DCC: variants seen among roughly 807,000 people sequenced by gnomAD.
DCC encodes DCC netrin 1 receptor, also known as netrin receptor DCC.
A neutral mutation model predicts 172.5 loss-of-function variants in DCC; 58 were observed. The ratio of observed to expected loss-of-function variants is 0.34; its 90% confidence interval spans 0.27 to 0.42. The LOEUF (loss-of-function observed/expected upper bound fraction) is 0.42. Ranked by LOEUF, DCC falls within the 10% of genes least tolerant of loss-of-function variation. The probability of loss-of-function intolerance (pLI) is 1.00; values close to 1 mark genes in which losing one functional copy is unlikely to be tolerated. For synonymous variants in DCC, 709 were observed against 644.5 expected, an observed-to-expected ratio of 1.10 and a Z score of -1.52; for missense variants, 1,740 against 1,791.0, an observed-to-expected ratio of 0.97 and a Z score of 0.51.
intron 1 of DCC, among the ~76,000 whole-genome samples, chr18:52,467,843 C>T (rs949383029): frequency 6.6e-6 from 1 of 152,118 alleles, no homozygotes; most frequent in African/African-American, 2.4e-5. Flanking sequence ...GCATAAATGT[C>T]TTCTTTTGAG....
intron 1 of DCC, among the ~76,000 whole-genome samples, chr18:52,491,960 A>G (rs2030524678): frequency 6.6e-6 from 1 of 151,652 alleles, no homozygotes; most frequent in Admixed American, 6.6e-5. Flanking sequence ...ATAGGATATG[A>G]TGAGACAAAA....
intron 1 of DCC, among the ~76,000 whole-genome samples, chr18:52,508,219 G>A (rs1177851148): frequency 1.3e-5 from 2 of 152,240 alleles, no homozygotes; most frequent in East Asian, 3.9e-4. Flanking sequence ...ATTCTGCTTA[G>A]GGCAGTATTT....
intron 25 of DCC, among the ~76,000 whole-genome samples, chr18:53,476,139 G>A (rs1028186018): frequency 2.0e-5 from 3 of 152,198 alleles, no homozygotes; most frequent in Admixed American, 6.5e-5. Flanking sequence ...TATATAGGAA[G>A]TAACTAACTT....
intron 24 of DCC, among the ~76,000 whole-genome samples, chr18:53,462,864 GC>G (rs1442248638): frequency 6.6e-6 from 1 of 152,164 alleles, no homozygotes; most frequent in Admixed American, 6.5e-5. Context: ...CTTTTCACAT[GC>G]CCACTTGGCC....
chr18:53,391,627 G>C, intron 16 of DCC, 28 bp from the exon 17 acceptor site: 1 of 1,402,224 alleles, frequency 7.1e-7, no homozygotes, highest in Non-Finnish European at 1.0e-6. Context: ...TTATTTGTTT[G>C]TTTCATTTGG....
intron 2 of DCC, among the ~76,000 whole-genome samples, chr18:52,835,918 T>G (rs2038696681): frequency 6.6e-6 from 1 of 152,244 alleles, no homozygotes; most frequent in African/African-American, 2.4e-5. Flanking sequence ...TACTCCATTC[T>G]TATGCTGCTA....
At chr18:52,770,211 A>G (rs372308413) in intron 2 of DCC, among the ~76,000 whole-genome samples, 28 of 151,814 alleles carry the variant, frequency 1.8e-4, no homozygotes, top group Admixed American at 5.2e-4. Context: ...TTTCTTCATA[A>G]TGCTCCAGCC....
intron 7 of DCC, among the ~76,000 whole-genome samples, chr18:53,117,495 T>C (rs1003249146): frequency 6.6e-6 from 1 of 151,796 alleles, no homozygotes; most frequent in African/African-American, 2.4e-5. Flanking sequence ...TGCTGAATGT[T>C]TGGGGCTCTT....
intron 2 of DCC, among the ~76,000 whole-genome samples, chr18:52,839,600 A>G (rs190263080): frequency 3.3e-5 from 5 of 152,300 alleles, no homozygotes; most frequent in East Asian, 1.9e-4. Flanking sequence ...TATTAAATAC[A>G]TATTTAAGGC....
intron 1 of DCC, among the ~76,000 whole-genome samples, chr18:52,662,785 C>T (rs1215888778): frequency 6.6e-6 from 1 of 152,104 alleles, no homozygotes; most frequent in Non-Finnish European, 1.5e-5. Context: ...TGGCTTACAC[C>T]AAAATTTGTT....
At chr18:52,436,779 G>C (rs148493319) in intron 1 of DCC, among the ~76,000 whole-genome samples, 92 of 152,180 alleles carry the variant, frequency 6.0e-4, no homozygotes, top group African/African-American at 2.1e-3. Flanking sequence ...AATCAGCTAG[G>C]CATGGTGGTA....
chr18:52,744,999 TA>T (rs1031696189), intron 1 of DCC, among the ~76,000 whole-genome samples: 10 of 152,220 alleles, frequency 6.6e-5, no homozygotes, highest in Non-Finnish European at 1.2e-4. Flanking sequence ...AGGAATATTC[TA>T]AATGTCCAAA....
Position 53,435,161 on chromosome 18 carries a change from G to A in DCC, c.3181G>A (p.Gly1061Ser), listed in dbSNP as rs1215042521. ...ANDQGRHGDG[G>S]YWPVDTNLID... ...ATGAACAGGTCGTCATGGAGATGGA[G>A]GTTATTGGCCAGTTGATACTAATTT... The change falls in exon 22 of 29, where the codon GGT becomes AGT. Residue 1061 changes from glycine to serine, a missense_variant. Gly to Ser is a moderately conservative substitution (Grantham distance 56). Coordinates refer to ENST00000442544, the MANE Select transcript of DCC (RefSeq NM_005215.4). 5 of 1,611,418 alleles carry A rather than the reference G, an allele frequency of 3.1e-6. No individual in the cohort carries two copies. Among genetic ancestry groups the A allele is most frequent in the Middle Eastern group, 1.6e-4 (1 of 6,074 alleles).
chr18:53,100,145 G>T (rs971038071), intron 7 of DCC, among the ~76,000 whole-genome samples: 55 of 151,450 alleles, frequency 3.6e-4, no homozygotes, highest in African/African-American at 1.3e-3. Flanking sequence ...CAGGGGTTTT[G>T]CCATGTTGAG....
At chr18:52,420,592 G>GA (rs11459143) in intron 1 of DCC, among the ~76,000 whole-genome samples, 22,628 of 152,166 alleles carry the variant, frequency 0.15, 1,945 homozygotes, top group Admixed American at 0.2. Context: ...ATGAACACGT[G>GA]AAATCAATGA....
intron 1 of DCC, among the ~76,000 whole-genome samples, chr18:52,626,900 T>A (rs2034583652): frequency 6.6e-6 from 1 of 152,150 alleles, no homozygotes; most frequent in Non-Finnish European, 1.5e-5. Context: ...TGTGAGCATC[T>A]GTGGATTTTG....
At chr18:53,173,890 C>A (rs1340466860) in intron 8 of DCC, among the ~76,000 whole-genome samples, 15 of 119,010 alleles carry the variant, frequency 1.3e-4, no homozygotes, top group African/African-American at 4.7e-4. Flanking sequence ...TTTTCAGCAC[C>A]ACACCACACC....
intron 5 of DCC, among the ~76,000 whole-genome samples, chr18:52,974,413 C>G (rs543328994): frequency 6.6e-6 from 1 of 152,256 alleles, no homozygotes; most frequent in African/African-American, 2.4e-5. Context: ...AGAAAATGTG[C>G]ATTTTGTTGG....
At chr18:53,402,729 AATG>A (rs1909390341) in intron 18 of DCC, 54 bp from the exon 19 acceptor site, 13 of 635,666 alleles carry the variant, frequency 2.0e-5, no homozygotes, top group Non-Finnish European at 3.0e-5. Context: ...AATTTCCAAC[AATG>A]TTTATTTTCT....
Sources: gnomAD v4.1 joint callset for allele counts (sites outside exome capture counted in the v4.1 genomes callset) on GRCh38, gnomAD v4.1.1 for gene constraint, MANE v1.5 for transcripts, NCBI Gene and HGNC (gene_info 2026-07-23, HGNC 2026-07-21) for gene names.